TAFA2: variants seen among roughly 807,000 people sequenced by gnomAD.
The protein encoded by TAFA2 is chemokine-like protein TAFA-2.
Under a neutral mutation model 18.8 loss-of-function variants are expected in TAFA2, and 7 were observed. The ratio of observed to expected loss-of-function variants is 0.37; its 90% CI spans 0.21 to 0.70. The LOEUF (loss-of-function observed/expected upper bound fraction) is 0.70. TAFA2 is among the 30% of genes least tolerant of loss of function. The pLI is 0.53. For synonymous variants in TAFA2, 60 were observed against 54.2 expected (o/e 1.11, Z -0.47); for missense variants, 122 against 158.1 (o/e 0.77, Z 1.23).
At chr12:61,811,348 G>A (rs1565642355) in intron 2 of TAFA2, among the ~76,000 whole-genome samples, 1 of 151,302 alleles carries the variant, frequency 6.6e-6, no homozygotes, top group East Asian at 1.9e-4. Flanking sequence ...GGCAGAGAAG[G>A]GATTTAAAAT....
intron 1 of TAFA2, among the ~76,000 whole-genome samples, chr12:62,032,320 T>G (rs1881481240): frequency 6.6e-6 from 1 of 152,144 alleles, no homozygotes; most frequent in Non-Finnish European, 1.5e-5. Flanking sequence ...AACCCAGAAT[T>G]TCTCTGCTAA....
At chr12:61,725,863 AG>A (rs1870139340) in intron 4 of TAFA2, among the ~76,000 whole-genome samples, 1 of 152,130 alleles carries the variant, frequency 6.6e-6, no homozygotes, top group Non-Finnish European at 1.5e-5. Context: ...GTGAAAGCTA[AG>A]CTATGCAGAC....
At chr12:62,233,500 T>G (rs2136985371) in intron 1 of TAFA2, among the ~76,000 whole-genome samples, 1 of 152,302 alleles carries the variant, frequency 6.6e-6, no homozygotes, top group South Asian at 2.1e-4. Context: ...TCTGATCCTC[T>G]CCACGTCCAT....
At chr12:61,925,188 A>G (rs1877234181) in intron 1 of TAFA2, among the ~76,000 whole-genome samples, 1 of 152,150 alleles carries the variant, frequency 6.6e-6, no homozygotes. Context: ...AAGATGTAAA[A>G]TTAACAAGAA....
At chr12:61,888,377 T>A (rs573153639) in intron 1 of TAFA2, among the ~76,000 whole-genome samples, 1 of 152,306 alleles carries the variant, frequency 6.6e-6, no homozygotes, top group African/African-American at 2.4e-5. Flanking sequence ...AGGGGGAAAC[T>A]CATTAGCTCT....
chr12:61,992,752 G>A (rs1592535331), intron 1 of TAFA2, among the ~76,000 whole-genome samples: 1 of 151,970 alleles, frequency 6.6e-6, no homozygotes, highest in African/African-American at 2.4e-5. Flanking sequence ...TCCTTTTCTT[G>A]TAAAACATCC....
chr12:62,045,589 T>A (rs1394448051), intron 1 of TAFA2, among the ~76,000 whole-genome samples: 1 of 152,218 alleles, frequency 6.6e-6, no homozygotes, highest in African/African-American at 2.4e-5. Flanking sequence ...AAAGATGTTA[T>A]GCTTTCAAAA....
At chr12:61,712,992 AT>A (rs1869485195) in intron 4 of TAFA2, among the ~76,000 whole-genome samples, 1 of 152,194 alleles carries the variant, frequency 6.6e-6, no homozygotes, top group East Asian at 1.9e-4. Context: ...TTTAGGAGGG[AT>A]TTTTTTGCTT....
intron 2 of TAFA2, among the ~76,000 whole-genome samples, chr12:61,770,663 T>C (rs904789474): frequency 7.2e-5 from 11 of 152,096 alleles, no homozygotes; most frequent in Non-Finnish European, 1.3e-4. Context: ...AGAAAACATA[T>C]AGTCTTTTTC....
intron 1 of TAFA2, among the ~76,000 whole-genome samples, chr12:62,075,734 G>A (rs774980866): frequency 1.3e-5 from 2 of 152,068 alleles, no homozygotes; most frequent in African/African-American, 2.4e-5. Context: ...TTACCAGTAA[G>A]GGTTTTTGTT....
Position 62,236,357 on chromosome 12 carries a change from C to T in TAFA2, c.-130+22406G>A, listed in dbSNP as rs570241807. On this transcript the variant is annotated intron_variant, in intron 1 of 5. Transcript: ENST00000551619. ...TCGGCTCACTGCAAGCTCCACCTCC[C>T]GGGTTCACACCATTCTCCTGCCTCA... Among the ~76,000 whole-genome samples the T allele has an allele frequency of 5.3e-5, 8 of 151,824 alleles. No homozygotes were observed. In the South Asian group the frequency reaches 1.5e-3, roughly 28 times the overall value.
chr12:61,818,490 T>TACACACACAC (rs3034071), intron 2 of TAFA2, among the ~76,000 whole-genome samples: 2,352 of 140,776 alleles, frequency 0.017, 32 homozygotes, highest in African/African-American at 0.042. Context: ...CTCAAAAAAA[T>TACACACACAC]ACACACACAC....
Position 61,733,239 on chromosome 12 carries a change from G to A in TAFA2, c.384+20383C>T, listed in dbSNP as rs933777320. Among the ~76,000 whole-genome samples the A allele has an allele frequency of 3.3e-5, 5 of 152,122 alleles. No homozygotes were observed. The East Asian group carries it at 9.7e-4, about 29-fold the overall frequency. On this transcript the variant is annotated intron_variant, in intron 4 of 4. Coordinates refer to ENST00000416284, the MANE Select transcript of TAFA2 (RefSeq NM_178539.5). Reference sequence around the variant, plus strand: ...TTGTAGGTTACCTGTTCACTCTGATGGTAGTTTCTTTTGCTGTGCAGAAGC... The same window carrying A: ...TTGTAGGTTACCTGTTCACTCTGATAGTAGTTTCTTTTGCTGTGCAGAAGC...
chr12:61,942,140 T>C (rs1319785538), intron 1 of TAFA2, among the ~76,000 whole-genome samples: 2 of 149,598 alleles, frequency 1.3e-5, no homozygotes, highest in Non-Finnish European at 3.0e-5. Context: ...AGTGGGTCCC[T>C]GACCCCTGAC....
At chr12:61,727,907 G>A (rs753353132) in intron 4 of TAFA2, among the ~76,000 whole-genome samples, 1 of 151,774 alleles carries the variant, frequency 6.6e-6, no homozygotes, top group Non-Finnish European at 1.5e-5. Flanking sequence ...TTGATAGGTT[G>A]TGTCACTATT....
intron 1 of TAFA2, among the ~76,000 whole-genome samples, chr12:62,154,485 G>T (rs1221261054): frequency 1.3e-5 from 2 of 152,100 alleles, no homozygotes; most frequent in Non-Finnish European, 2.9e-5. Context: ...TAAAATTAGG[G>T]TTATGTTAGT....
At chr12:61,908,819 A>AT (rs1565677336) in intron 1 of TAFA2, among the ~76,000 whole-genome samples, 2 of 152,200 alleles carry the variant, frequency 1.3e-5, no homozygotes, top group African/African-American at 4.8e-5. Flanking sequence ...TGACAGGAGA[A>AT]CTATATAATA....
chr12:61,737,458 T>C (rs1308995953), intron 4 of TAFA2, among the ~76,000 whole-genome samples: 1 of 151,852 alleles, frequency 6.6e-6, no homozygotes, highest in Non-Finnish European at 1.5e-5. Context: ...ATGATGAATA[T>C]AGATTTTCAG....
chr12:62,019,149 G>A (rs1881035700), intron 1 of TAFA2, among the ~76,000 whole-genome samples: 1 of 152,062 alleles, frequency 6.6e-6, no homozygotes, highest in African/African-American at 2.4e-5. Flanking sequence ...CAGTTAGAAT[G>A]GCAATCATTA....
Sources: gnomAD v4.1 joint callset for allele counts (sites outside exome capture counted in the v4.1 genomes callset) on GRCh38, gnomAD v4.1.1 for gene constraint, MANE v1.5 for transcripts, NCBI Gene and HGNC (gene_info 2026-07-23, HGNC 2026-07-21) for gene names.